DOCK1: variants seen among roughly 807,000 people sequenced by gnomAD.
DOCK1 encodes dedicator of cytokinesis 1.
A neutral mutation model predicts 262.7 loss-of-function variants in DOCK1; 138 were observed. That is an observed-to-expected ratio of 0.53 (90% CI 0.46 to 0.61). DOCK1 has a LOEUF of 0.61. Ranked by LOEUF, DOCK1 falls within the 20% of genes least tolerant of loss-of-function variation. DOCK1 has a pLI of 0.00. For missense variants in DOCK1, 1,908 were observed against 2,370.7 expected (o/e 0.80, Z 4.05); for synonymous variants, 866 against 867.4 (o/e 1.00, Z 0.03).
chr10:127,047,528 A>G (rs2044428898), intron 21 of DOCK1, among the ~76,000 whole-genome samples: 1 of 152,244 alleles, frequency 6.6e-6, no homozygotes, highest in South Asian at 2.1e-4. Flanking sequence ...TTAAAAACTT[A>G]AAAATTGTTA....
At chr10:127,347,691 G>C (rs1289795528) in intron 31 of DOCK1, among the ~76,000 whole-genome samples, 1 of 151,288 alleles carries the variant, frequency 6.6e-6, no homozygotes, top group Non-Finnish European at 1.5e-5. Context: ...TGTTTCTCGG[G>C]GGAAAGGCAT....
intron 29 of DOCK1, among the ~76,000 whole-genome samples, chr10:127,276,638 T>C (rs1249844826): frequency 1.3e-5 from 2 of 152,170 alleles, no homozygotes; most frequent in Non-Finnish European, 2.9e-5. Context: ...AGCCTGATCT[T>C]TTTTCCATTT....
intron 10 of DOCK1, among the ~76,000 whole-genome samples, chr10:127,007,013 C>T (rs929360885): frequency 1.3e-5 from 2 of 152,288 alleles, no homozygotes; most frequent in South Asian, 2.1e-4. Flanking sequence ...CAGTCAGTCG[C>T]GTGTGGGTCA....
chr10:127,118,975 T>A (rs930187992), intron 25 of DOCK1, among the ~76,000 whole-genome samples: 6 of 152,166 alleles, frequency 3.9e-5, no homozygotes, highest in Non-Finnish European at 7.3e-5. Context: ...TAAAAATGCC[T>A]GAATCATACA....
At chr10:127,128,051 T>TAC in intron 27 of DOCK1, 1 of 213,982 alleles carries the variant, frequency 4.7e-6, no homozygotes, top group Non-Finnish European at 9.3e-6. Context: ...CCATAGTGTT[T>TAC]ACACTTAAGG....
chr10:127,195,813 G>C (rs1047770511), intron 27 of DOCK1, among the ~76,000 whole-genome samples: 2 of 152,138 alleles, frequency 1.3e-5, no homozygotes, highest in African/African-American at 4.8e-5. Context: ...GACCGCACCG[G>C]GTCCGCTCCC....
At chr10:127,314,476 G>T (rs369865543) in intron 29 of DOCK1, among the ~76,000 whole-genome samples, 2 of 152,228 alleles carry the variant, frequency 1.3e-5, no homozygotes, top group Non-Finnish European at 2.9e-5. Flanking sequence ...GCAACTTCCA[G>T]TGTAAATGGG....
chr10:127,189,841 C>A (rs1403543449), intron 27 of DOCK1, among the ~76,000 whole-genome samples: 1 of 152,172 alleles, frequency 6.6e-6, no homozygotes, highest in Admixed American at 6.5e-5. Context: ...CAAAAATAAT[C>A]TTTATGCAGC....
Position 127,046,752 on chromosome 10 carries a change from C to T in DOCK1, c.2201+3588C>T, listed in dbSNP as rs144595624. Among the ~76,000 whole-genome samples, 7 of 96,718 alleles carry T rather than the reference C, an allele frequency of 7.2e-5. No homozygotes were observed. The East Asian group carries it at 8.2e-4, about 11-fold the overall frequency. 63.5% of individuals were successfully genotyped at this position (96,718 alleles called of 152,430 possible). A position where few individuals can be genotyped will look rare whatever the true frequency, so the allele number is the denominator to read the frequency against. On this transcript the variant is annotated intron_variant, in intron 21 of 51. Transcript: ENST00000623213. ...CTCCAGCCTGGGCAGAGCGACACTA[C>T]GTCTCAAAAAAAAAAAAAAAAAAAA... is the stretch of plus-strand genomic sequence containing the variant.
chr10:126,912,390 A>G (rs1056883136), intron 1 of DOCK1, among the ~76,000 whole-genome samples: 5 of 149,116 alleles, frequency 3.4e-5, no homozygotes, highest in Non-Finnish European at 7.4e-5. Flanking sequence ...AGATTGCGCC[A>G]TTGTACTTCA....
At chr10:127,184,105 G>A (rs2055992495) in intron 27 of DOCK1, among the ~76,000 whole-genome samples, 1 of 152,148 alleles carries the variant, frequency 6.6e-6, no homozygotes, top group African/African-American at 2.4e-5. Context: ...TAATGCCTGA[G>A]ACCCAAGGGT....
At chr10:127,129,724 G>A (rs1490677787) in intron 27 of DOCK1, among the ~76,000 whole-genome samples, 2 of 152,212 alleles carry the variant, frequency 1.3e-5, no homozygotes, top group Non-Finnish European at 2.9e-5. Context: ...AGAGCATGTG[G>A]CTTGAACTTG....
At chr10:127,428,016 C>T (rs1435422434) in intron 47 of DOCK1, among the ~76,000 whole-genome samples, 6 of 152,240 alleles carry the variant, frequency 3.9e-5, no homozygotes, top group African/African-American at 1.4e-4. Flanking sequence ...TCCTTCAAGG[C>T]TGGGCTGGAG....
intron 27 of DOCK1, among the ~76,000 whole-genome samples, chr10:127,184,360 C>T (rs1479256890): frequency 1.4e-5 from 2 of 146,228 alleles, no homozygotes; most frequent in African/African-American, 5.2e-5. Context: ...ATGCCCTATT[C>T]GTTTTTGTTT....
At chr10:127,087,465 T>C (rs1006324883) in intron 23 of DOCK1, among the ~76,000 whole-genome samples, 16 of 152,070 alleles carry the variant, frequency 1.1e-4, no homozygotes, top group African/African-American at 3.6e-4. Context: ...TGTGGACCTA[T>C]CTTGGGGAGA....
intron 48 of DOCK1, among the ~76,000 whole-genome samples, chr10:127,436,258 T>G (rs7895986): frequency 0.36 from 54,766 of 152,108 alleles, 9,958 homozygotes; most frequent in Admixed American, 0.41. Flanking sequence ...GGCTCATGCC[T>G]AAAATCCCAG....
chr10:127,324,612 C>T (rs1031336797), intron 29 of DOCK1, among the ~76,000 whole-genome samples: 3 of 151,680 alleles, frequency 2.0e-5, no homozygotes, highest in African/African-American at 7.3e-5. Flanking sequence ...GGCAATATTT[C>T]GGTTTTTTTT....
intron 22 of DOCK1, 118 bp from the exon 23 acceptor site, chr10:127,061,550 A>G: frequency 1.2e-6 from 1 of 816,134 alleles, no homozygotes; most frequent in Admixed American, 2.3e-5. Flanking sequence ...GATGTTGAGG[A>G]TGTGGTCTCT....
At chr10:127,360,609 T>C (rs2064370596) in intron 32 of DOCK1, among the ~76,000 whole-genome samples, 1 of 152,176 alleles carries the variant, frequency 6.6e-6, no homozygotes, top group African/African-American at 2.4e-5. Context: ...CAGTGAGGGA[T>C]AAAACGATGG....
Sources: gnomAD v4.1 joint callset for allele counts (sites outside exome capture counted in the v4.1 genomes callset) on GRCh38, gnomAD v4.1.1 for gene constraint, MANE v1.5 for transcripts, NCBI Gene and HGNC (gene_info 2026-07-23, HGNC 2026-07-21) for gene names.